NT5DC4: variants seen among roughly 807,000 people sequenced by gnomAD.
NT5DC4 encodes 5'-nucleotidase domain containing 4, also known as 5'-nucleotidase domain-containing protein 4.
NT5DC4 carries 44 observed loss-of-function variants against 26.6 expected under a neutral mutation model. That is an observed-to-expected ratio of 1.65 (90% CI 1.30 to 2.13). The LOEUF (loss-of-function observed/expected upper bound fraction) is 2.13, where lower values mean the gene tolerates loss of function less well. NT5DC4 is among the 30% of genes most tolerant of loss of function. The probability of loss-of-function intolerance (pLI) is 0.00; values close to 1 mark genes in which losing one functional copy is unlikely to be tolerated. For missense variants in NT5DC4, 399 were observed against 228.1 expected (o/e 1.75, Z -4.83); for synonymous variants, 157 against 86.7 (o/e 1.81, Z -4.51).
chr2:112,735,272 G>A (rs924303761), intron 16 of NT5DC4, among the ~76,000 whole-genome samples: 6 of 151,754 alleles, frequency 4.0e-5, no homozygotes, highest in Non-Finnish European at 5.9e-5. Flanking sequence ...TCAAACTCCC[G>A]ACATCAAATG....
At chr2:112,726,003 G>A (rs1047710825) in intron 13 of NT5DC4, among the ~76,000 whole-genome samples, 15 of 152,142 alleles carry the variant, frequency 9.9e-5, no homozygotes, top group African/African-American at 2.2e-4. Context: ...AGTCATTGCC[G>A]TGTGACCTCA....
In NT5DC4 at chr2:112,723,813, G is replaced by A; in HGVS notation, c.756+11G>A. ...TACAACTACACCAATGTGAGTATGT[G>A]TATGGAGGGGTGGACCGTCGGCCTC... On this transcript the variant is annotated intron_variant, in intron 9 of 16. Transcript: ENST00000688554. 1 of 607,144 alleles carries A rather than the reference G, an allele frequency of 1.6e-6. No homozygotes were observed. The highest frequency in any genetic ancestry group is 3.2e-6 in the Non-Finnish European group (1 of 316,082). 37.6% of individuals were successfully genotyped at this position (607,144 alleles called of 1,614,324 possible).
chr2:112,742,671 AGAG>A (rs774477317), downstream of NT5DC4: 1 of 1,303,550 alleles, frequency 7.7e-7, no homozygotes, highest in Non-Finnish European at 1.1e-6. Flanking sequence ...TGGTACAGCT[AGAG>A]AAGATGAATT....
intron 16 of NT5DC4, among the ~76,000 whole-genome samples, chr2:112,730,267 T>G (rs1188770190): frequency 1.6e-5 from 2 of 127,122 alleles, no homozygotes; most frequent in Admixed American, 9.3e-5. Context: ...GAGCTGAGAT[T>G]GCACCACTGC....
At chr2:112,740,552 C>A (rs1383808484), downstream of NT5DC4, among the ~76,000 whole-genome samples, 1 of 152,200 alleles carries the variant, frequency 6.6e-6, no homozygotes, top group Non-Finnish European at 1.5e-5. Context: ...GGACTTTGTG[C>A]CCCATCTTAT....
chr2:112,726,132 T>G (rs902757460), intron 13 of NT5DC4, 106 bp from the exon 14 acceptor site: 2 of 697,992 alleles, frequency 2.9e-6, no homozygotes, highest in African/African-American at 3.5e-5. Flanking sequence ...TGCACACAGC[T>G]CAGGGTGTGC....
chr2:112,728,123 T>C (rs884659), intron 15 of NT5DC4, among the ~76,000 whole-genome samples: 2 of 152,234 alleles, frequency 1.3e-5, no homozygotes, highest in Non-Finnish European at 1.5e-5. Context: ...TGCAGATAAC[T>C]GTCTGTGTCT....
downstream of NT5DC4, chr2:112,741,111 T>C (rs1018179323): frequency 1.0e-5 from 8 of 765,310 alleles, no homozygotes; most frequent in African/African-American, 1.4e-4. Context: ...TTCCCAGTGA[T>C]CTTCATGGGC....
At chr2:112,719,257 A>T (rs890401224), upstream of NT5DC4, among the ~76,000 whole-genome samples, 1 of 152,164 alleles carries the variant, frequency 6.6e-6, no homozygotes, top group African/African-American at 2.4e-5. Flanking sequence ...TTATCACCTT[A>T]TGGGACTCAG....
At chr2:112,731,431 G>C (rs1419507397) in intron 16 of NT5DC4, 4 of 152,058 alleles carry the variant, frequency 2.6e-5, no homozygotes, top group Non-Finnish European at 4.4e-5. Flanking sequence ...TTAAAAAATA[G>C]TTATTTCTGT....
At chr2:112,742,777 G>T, downstream of NT5DC4, 1 of 1,598,880 alleles carries the variant, frequency 6.3e-7, no homozygotes, top group Non-Finnish European at 8.5e-7. Flanking sequence ...TGGCTGGAAG[G>T]AAGGAAGAAA....
chr2:112,726,812 T>A (rs192782783), intron 15 of NT5DC4, 74 bp downstream of exon 15: 1 of 715,292 alleles, frequency 1.4e-6, no homozygotes, highest in Admixed American at 2.0e-5. Context: ...ACTGCTTGCC[T>A]GTCGGCTTTG....
intron 9 of NT5DC4, 124 bp downstream of exon 9, chr2:112,723,926 G>C: frequency 1.4e-6 from 1 of 690,640 alleles, no homozygotes; most frequent in Non-Finnish European, 2.7e-6. Flanking sequence ...CCACCACTGG[G>C]CTGGTCTCCT....
chr2:112,733,606 C>T (rs928189543), intron 16 of NT5DC4, among the ~76,000 whole-genome samples: 4 of 152,314 alleles, frequency 2.6e-5, no homozygotes, highest in Admixed American at 6.5e-5. Context: ...GCCACATGGA[C>T]GAGGCTGCCT....
In NT5DC4 at chr2:112,722,704, C is replaced by G. The variant is rs1292381330; in HGVS notation, c.470-10C>G. The G allele has an allele frequency of 3.1e-5, 22 of 717,574 alleles. No homozygotes were observed. Among genetic ancestry groups the G allele is most frequent in the Non-Finnish European group, 3.1e-5 (12 of 385,142 alleles). The allele number at this position is 717,574 out of a possible 1,614,324, so 44.5% of individuals were successfully genotyped here. ...CTGGGCTGACAACTGACCATCCTGT[C>G]TGCCCCCAGAAACCTACCTCTATGC... is the stretch of plus-strand genomic sequence containing the variant. On this transcript the variant is annotated splice_polypyrimidine_tract_variant and intron_variant, in intron 5 of 16. Coordinates refer to ENST00000688554, the MANE Select transcript of NT5DC4 (RefSeq NM_001393655.1).
intron 16 of NT5DC4, chr2:112,737,539 T>G (rs1679381362): frequency 6.6e-6 from 1 of 152,224 alleles, no homozygotes. Flanking sequence ...TGGAGAAATG[T>G]CTGCTCAGGT....
At chr2:112,740,342 AT>A (rs1679831063), downstream of NT5DC4, among the ~76,000 whole-genome samples, 1 of 152,196 alleles carries the variant, frequency 6.6e-6, no homozygotes, top group South Asian at 2.1e-4. Context: ...CTACACTCAC[AT>A]TTTAGAAAAT....
chr2:112,722,821 C>T, intron 6 of NT5DC4, 50 bp downstream of exon 6: 4 of 626,704 alleles, frequency 6.4e-6, no homozygotes, highest in Non-Finnish European at 8.9e-6. Flanking sequence ...GGACACTGCT[C>T]AGGGACCAAA....
At chr2:112,721,178 G>A (rs941820563) in intron 1 of NT5DC4, among the ~76,000 whole-genome samples, 25 bp downstream of exon 1, 1 of 152,192 alleles carries the variant, frequency 6.6e-6, no homozygotes, top group Non-Finnish European at 1.5e-5. Flanking sequence ...TGGGGTGGGG[G>A]CCAGGGGTCT....
Sources: gnomAD v4.1 joint callset for allele counts (sites outside exome capture counted in the v4.1 genomes callset) on GRCh38, gnomAD v4.1.1 for gene constraint, MANE v1.5 for transcripts, NCBI Gene and HGNC (gene_info 2026-07-23, HGNC 2026-07-21) for gene names.